The following CPE variants were observed in gnomAD, a reference collection of about 807,000 sequenced individuals.
The protein encoded by CPE is carboxypeptidase E, also known as carbocypeptidase E.
In CPE, 17 loss-of-function variants were observed where a neutral mutation model predicts 53.5. The ratio of observed to expected loss-of-function variants is 0.32; its 90% CI spans 0.22 to 0.48. CPE has a LOEUF of 0.48. CPE is among the 20% of genes least tolerant of loss of function. The pLI, the probability that CPE is intolerant of heterozygous loss-of-function variation, is 0.99. For synonymous variants in CPE, 226 were observed against 228.8 expected, an observed-to-expected ratio of 0.99 and a Z score of 0.11; for missense variants, 524 against 614.7, an observed-to-expected ratio of 0.85 and a Z score of 1.56.
intron 2 of CPE, among the ~76,000 whole-genome samples, chr4:165,464,930 T>C (rs1489178432): frequency 6.6e-6 from 1 of 152,192 alleles, no homozygotes; most frequent in Non-Finnish European, 1.5e-5. Context: ...TCTACTGCCT[T>C]TTGTTGAAGA....
chr4:165,446,941 A>G (rs1027349204), intron 1 of CPE, among the ~76,000 whole-genome samples: 4 of 152,222 alleles, frequency 2.6e-5, no homozygotes, highest in Non-Finnish European at 5.9e-5. Flanking sequence ...CATTGAATGA[A>G]CATCAGACTA....
At chr4:165,417,060 A>G (rs931250849) in intron 1 of CPE, among the ~76,000 whole-genome samples, 1 of 152,148 alleles carries the variant, frequency 6.6e-6, no homozygotes, top group African/African-American at 2.4e-5. Context: ...AAAGATGCAA[A>G]TAAACCACTG....
chr4:165,486,467 C>T (rs1243669352), intron 5 of CPE, among the ~76,000 whole-genome samples: 1 of 152,016 alleles, frequency 6.6e-6, no homozygotes, highest in Non-Finnish European at 1.5e-5. Flanking sequence ...TTCTAGGACC[C>T]CAAATTCATT....
chr4:165,484,319 T>C, intron 4 of CPE, 103 bp from the exon 5 acceptor site: 1 of 1,065,266 alleles, frequency 9.4e-7, no homozygotes, highest in Non-Finnish European at 1.3e-6. Context: ...GCTAAAAAAA[T>C]ACATCAACAA....
At chr4:165,397,604 A>G (rs1028313480) in intron 1 of CPE, among the ~76,000 whole-genome samples, 21 of 152,236 alleles carry the variant, frequency 1.4e-4, no homozygotes, top group African/African-American at 4.8e-4. Context: ...CAAAGTAAGC[A>G]TCCTTTCTAC....
chr4:165,387,766 C>G lies in CPE; in HGVS notation c.307+8238C>G, dbSNP rs1263623409. On this transcript the variant is annotated intron_variant, in intron 1 of 8. Transcript: ENST00000402744. ...GGAGGTTGTGGTGAGCGAGATCGCA[C>G]CACTGCACTCCAGCCTGGGCGCAGA... Among the ~76,000 whole-genome samples, 3 of 152,132 alleles carry G rather than the reference C, an allele frequency of 2.0e-5. No homozygotes were observed. The East Asian group carries it at 5.8e-4, about 29-fold the overall frequency.
At chr4:165,482,381 C>T (rs577603702) in intron 4 of CPE, 22 bp downstream of exon 4, 2 of 1,513,996 alleles carry the variant, frequency 1.3e-6, no homozygotes, top group South Asian at 2.3e-5. Flanking sequence ...TTCTGCTTCT[C>T]TTATTGGTTC....
At chr4:165,434,411 A>G (rs1560881046) in intron 1 of CPE, among the ~76,000 whole-genome samples, 1 of 152,242 alleles carries the variant, frequency 6.6e-6, no homozygotes, top group East Asian at 1.9e-4. Context: ...GTGTTCACCT[A>G]TCAGCTATAG....
chr4:165,409,717 A>G (rs1731007505), intron 1 of CPE, among the ~76,000 whole-genome samples: 1 of 152,184 alleles, frequency 6.6e-6, no homozygotes, highest in African/African-American at 2.4e-5. Context: ...TTATCCTGGA[A>G]CAAACTAGGA....
chr4:165,410,239 T>C (rs1453009868), intron 1 of CPE, among the ~76,000 whole-genome samples: 2 of 128,838 alleles, frequency 1.6e-5, no homozygotes, highest in Non-Finnish European at 3.3e-5. Flanking sequence ...AGGGATACTC[T>C]GTAAAAAAAA....
At chr4:165,485,921 C>T (rs1005240107) in intron 5 of CPE, among the ~76,000 whole-genome samples, 3 of 151,998 alleles carry the variant, frequency 2.0e-5, no homozygotes, top group Non-Finnish European at 4.4e-5. Context: ...AGGACAAACC[C>T]TGTAGGGAAG....
intron 1 of CPE, among the ~76,000 whole-genome samples, chr4:165,417,702 A>G (rs1409845356): frequency 1.3e-5 from 2 of 151,662 alleles, no homozygotes; most frequent in Non-Finnish European, 2.9e-5. Context: ...AAGCCTCACC[A>G]TTTTACTCAT....
intron 1 of CPE, among the ~76,000 whole-genome samples, chr4:165,414,329 G>A (rs748831046): frequency 2.8e-4 from 43 of 152,080 alleles, no homozygotes; most frequent in Non-Finnish European, 5.6e-4. Context: ...AAAAGCAAAG[G>A]TATACATTTT....
At position 165,498,447 on chromosome 4, in the gene CPE, TACTGTGTGCTAAGCACTGC is replaced by T. The variant is rs1732745563; in HGVS notation, c.*839_*857del. 2.0e-5 allele frequency: 3 copies of T among 152,222 alleles called. No homozygotes were observed. Among genetic ancestry groups the T allele is most frequent in the Admixed American group, 1.3e-4 (2 of 15,282 alleles). 9.4% of individuals were successfully genotyped at this position (152,222 alleles called of 1,614,324 possible). ...TACATTTTAAAATTTGTTAAGCAAC[TACTGTGTGCTAAGCACTGC>T]ATAGCCTCTATGTATGTTATTGTGG... On this transcript the variant is annotated 3_prime_UTR_variant, in exon 9 of 9. Transcript: ENST00000402744.
chr4:165,392,418 G>A (rs1730698124), intron 1 of CPE, among the ~76,000 whole-genome samples: 1 of 144,222 alleles, frequency 6.9e-6, no homozygotes, highest in Admixed American at 7.1e-5. Context: ...GCTAATCTTT[G>A]GGTATTAATG....
chr4:165,484,664 G>A (rs1732474406), intron 5 of CPE, 60 bp downstream of exon 5: 6 of 1,427,608 alleles, frequency 4.2e-6, no homozygotes, highest in African/African-American at 1.4e-5. Context: ...TGACCATTTA[G>A]GTTTAGAGAG....
intron 1 of CPE, among the ~76,000 whole-genome samples, chr4:165,449,839 C>T (rs1731778244): frequency 6.6e-6 from 1 of 151,528 alleles, no homozygotes; most frequent in Non-Finnish European, 1.5e-5. Flanking sequence ...TTTTGATACA[C>T]TTGATGATTT....
intron 1 of CPE, chr4:165,404,329 G>A (rs1347684643): frequency 1.3e-6 from 1 of 771,918 alleles, no homozygotes; most frequent in Non-Finnish European, 2.4e-6. Context: ...TTGTCAGCAG[G>A]CGGAACTGGA....
chr4:165,486,256 G>T (rs1048498072), intron 5 of CPE, among the ~76,000 whole-genome samples: 2 of 152,264 alleles, frequency 1.3e-5, no homozygotes, highest in East Asian at 3.9e-4. Context: ...AGCAGTTTGG[G>T]TCTGGATGCC....
Sources: gnomAD v4.1 joint callset for allele counts (sites outside exome capture counted in the v4.1 genomes callset) on GRCh38, gnomAD v4.1.1 for gene constraint, MANE v1.5 for transcripts, NCBI Gene and HGNC (gene_info 2026-07-23, HGNC 2026-07-21) for gene names.